The following RYR2 variants were observed in gnomAD, a reference collection of about 807,000 sequenced individuals.
RYR2 encodes cardiac muscle ryanodine receptor-calcium release channel.
Under a neutral mutation model 601.1 loss-of-function variants are expected in RYR2, and 227 were observed. The observed-to-expected ratio is 0.38, with a 90% CI of 0.34 to 0.42. The LOEUF is 0.42. RYR2 is among the 10% of genes least tolerant of loss of function. RYR2 has a pLI of 1.00. For missense variants in RYR2, 4,646 were observed against 6,156.5 expected (o/e 0.75, Z 8.21); for synonymous variants, 2,223 against 2,175.1 (o/e 1.02, Z -0.61).
intron 12 of RYR2, among the ~76,000 whole-genome samples, chr1:237,437,510 AG>A (rs1432132992): frequency 6.6e-6 from 1 of 152,168 alleles, no homozygotes; most frequent in Non-Finnish European, 1.5e-5. Flanking sequence ...TGACATTTGC[AG>A]GCTGTTCTGG....
At chr1:237,661,151 C>A (rs773234990) in intron 56 of RYR2, among the ~76,000 whole-genome samples, 1 of 152,020 alleles carries the variant, frequency 6.6e-6, no homozygotes, top group Non-Finnish European at 1.5e-5. Context: ...ACTTTATGTA[C>A]AAGCCTTCCT....
At chr1:237,831,439 A>G (rs1663778133) in intron 103 of RYR2, 75 bp from the exon 104 acceptor site, 1 of 826,874 alleles carries the variant, frequency 1.2e-6, no homozygotes, top group African/African-American at 1.7e-5. Context: ...CAACCATACA[A>G]TTTATCTAAA....
In RYR2 at chr1:237,065,269, CTTTTTTTT is replaced by C. The variant is rs766039441; in HGVS notation, c.48+22720_48+22727del. ...CCTCAAAGAGCTCTTGTGTGCTATCCTTTTTTTTTTTTTTTTTTTTTTTTTTTCGAGAG... is the reference window on the plus strand; with the variant it reads ...CCTCAAAGAGCTCTTGTGTGCTATCCTTTTTTTTTTTTTTTTTTTCGAGAG... On this transcript the variant is annotated intron_variant, in intron 1 of 104. Coordinates refer to ENST00000366574, the MANE Select transcript of RYR2 (RefSeq NM_001035.3). 6.7e-3 allele frequency among the ~76,000 whole-genome samples: 516 copies of C among 77,508 alleles called. 29 individuals are homozygous for C. Among genetic ancestry groups the C allele is most frequent in the Non-Finnish European group, 0.01 (431 of 43,064 alleles). 50.8% of individuals were successfully genotyped at this position (77,508 alleles called of 152,430 possible). A position where few individuals can be genotyped will look rare whatever the true frequency, so the allele number is the denominator to read the frequency against.
At chr1:237,704,514 A>C (rs1485052328) in intron 66 of RYR2, among the ~76,000 whole-genome samples, 1 of 152,048 alleles carries the variant, frequency 6.6e-6, no homozygotes, top group Non-Finnish European at 1.5e-5. Flanking sequence ...CTGAATTGTT[A>C]GTATTTTTAA....
At chr1:237,555,396 A>C (rs759582904) in intron 27 of RYR2, among the ~76,000 whole-genome samples, 22 of 152,228 alleles carry the variant, frequency 1.4e-4, no homozygotes, top group Non-Finnish European at 2.8e-4. Flanking sequence ...CAGTGATGAC[A>C]GTCAATATAT....
rs786205424 is a variant in RYR2, at chr1:237,707,209, T to G, written c.9841T>G (p.Leu3281Val). Reference protein sequence around the residue: ...EHMNTLLGNILKIIYNNLGID... With the variant: ...EHMNTLLGNIVKIIYNNLGID... ...CATGAACACACTTCTAGGGAACATA[T>G]TGAAAATCATATATAATAACTTGGG... Residue 3281 changes from leucine (L) to valine (V), a missense_variant, in exon 68 of 105, where the codon TTG becomes GTG. Leu to Val is a conservative substitution (Grantham distance 32). This residue lies in a region of RYR2 where 1,497 missense variants were observed against 1,842.6 expected (regional missense o/e 0.81). Coordinates refer to ENST00000366574, the MANE Select transcript of RYR2 (RefSeq NM_001035.3). 1 of 1,599,310 alleles carries G rather than the reference T, an allele frequency of 6.3e-7. No homozygotes were observed. The highest frequency in any genetic ancestry group is 8.6e-7 in the Non-Finnish European group (1 of 1,168,932).
intron 1 of RYR2, among the ~76,000 whole-genome samples, chr1:237,202,343 C>T (rs1217202234): frequency 6.6e-6 from 1 of 152,128 alleles, no homozygotes; most frequent in Admixed American, 6.6e-5. Context: ...ATTTGATGGT[C>T]ACTTAGCAAA....
At chr1:237,680,600 A>G (rs975110298) in intron 62 of RYR2, 23 bp downstream of exon 62, 2 of 1,575,368 alleles carry the variant, frequency 1.3e-6, no homozygotes, top group African/African-American at 2.7e-5. Context: ...AAAAATAAGC[A>G]CTGTTGTATG....
chr1:237,373,915 TCTAA>T (rs1700830282), intron 6 of RYR2, among the ~76,000 whole-genome samples: 1 of 152,186 alleles, frequency 6.6e-6, no homozygotes, highest in African/African-American at 2.4e-5. Flanking sequence ...GAGAAAGATT[TCTAA>T]CTGTCAGACT....
intron 4 of RYR2, among the ~76,000 whole-genome samples, chr1:237,362,652 T>A (rs757376792): frequency 7.9e-5 from 12 of 152,178 alleles, no homozygotes; most frequent in Non-Finnish European, 1.6e-4. Context: ...CCTTTGAATG[T>A]CTCCTGATGC....
intron 14 of RYR2, among the ~76,000 whole-genome samples, chr1:237,446,339 G>C (rs1708334738): frequency 1.3e-5 from 2 of 151,950 alleles, no homozygotes; most frequent in Non-Finnish European, 2.9e-5. Context: ...AATTTGATGG[G>C]GGAAACTTTT....
intron 26 of RYR2, 36 bp from the exon 27 acceptor site, chr1:237,550,508 A>G (rs1406021058): frequency 2.5e-6 from 4 of 1,597,678 alleles, no homozygotes; most frequent in Admixed American, 3.5e-5. Flanking sequence ...AGCCCTTGGT[A>G]TTGCTTTGAC....
At chr1:237,391,193 G>A (rs974023738) in intron 10 of RYR2, among the ~76,000 whole-genome samples, 2 of 152,050 alleles carry the variant, frequency 1.3e-5, no homozygotes, top group African/African-American at 2.4e-5. Flanking sequence ...GTCATTGTAA[G>A]GAACTTGGGG....
chr1:237,830,489 C>G, intron 102 of RYR2, 41 bp from the exon 103 acceptor site: 1 of 1,253,128 alleles, frequency 8.0e-7, no homozygotes. Context: ...TTTTGTTTTG[C>G]TTTCTGAACT....
At chr1:237,548,947 C>A (rs1670102205) in intron 26 of RYR2, among the ~76,000 whole-genome samples, 1 of 152,086 alleles carries the variant, frequency 6.6e-6, no homozygotes, top group African/African-American at 2.4e-5. Flanking sequence ...ATTCACAACC[C>A]CTGGGGCCAC....
intron 96 of RYR2, among the ~76,000 whole-genome samples, chr1:237,796,936 C>T (rs953317889): frequency 1.3e-5 from 2 of 152,042 alleles, no homozygotes; most frequent in Non-Finnish European, 2.9e-5. Flanking sequence ...AGGTGTCTAC[C>T]ACCATGCCTG....
At chr1:237,398,216 G>C (rs1703036635) in intron 10 of RYR2, among the ~76,000 whole-genome samples, 1 of 152,096 alleles carries the variant, frequency 6.6e-6, no homozygotes, top group Admixed American at 6.5e-5. Context: ...GCCAAGAGAG[G>C]AACTGCTCAG....
intron 100 of RYR2, among the ~76,000 whole-genome samples, chr1:237,816,114 C>T (rs548491235): frequency 6.6e-6 from 1 of 152,074 alleles, no homozygotes; most frequent in Non-Finnish European, 1.5e-5. Context: ...GGGAACTGCA[C>T]AATCCACTGT....
intron 1 of RYR2, among the ~76,000 whole-genome samples, chr1:237,061,280 T>TATCCATCTATC (rs58553831): frequency 8.8e-4 from 28 of 31,922 alleles, no homozygotes; most frequent in Non-Finnish European, 1.1e-3. Flanking sequence ...ATCTATCATC[T>TATCCATCTATC]ATCTATCTAT....
Sources: allele counts gnomAD v4.1 joint callset (sites outside exome capture counted in the v4.1 genomes callset), GRCh38; gene constraint gnomAD v4.1.1; regional missense constraint gnomAD v4.1.1; transcripts MANE v1.5; gene names NCBI Gene and HGNC (gene_info 2026-07-23, HGNC 2026-07-21).